The following ADAMTS3 variants were observed in gnomAD, a reference collection of about 807,000 sequenced individuals.
ADAMTS3 encodes the protein ADAM metallopeptidase with thrombospondin type 1 motif 3.
A neutral mutation model predicts 129.0 loss-of-function variants in ADAMTS3; 73 were observed. That is an observed-to-expected ratio of 0.57 (90% CI 0.47 to 0.69). The LOEUF is 0.69. Among genes scored for constraint, ADAMTS3 ranks in the 30% least tolerant of loss-of-function variants. The pLI is 0.00. For synonymous variants in ADAMTS3, 477 were observed against 510.8 expected, an observed-to-expected ratio of 0.93 and a Z score of 0.89; for missense variants, 1,457 against 1,514.5, an observed-to-expected ratio of 0.96 and a Z score of 0.63.
At chr4:72,298,464 T>A in intron 17 of ADAMTS3, 22 bp from the exon 18 acceptor site, 1 of 1,544,300 alleles carries the variant, frequency 6.5e-7, no homozygotes, top group Non-Finnish European at 8.8e-7. Flanking sequence ...ATGAAATCAA[T>A]ATGTAAATCA....
intron 4 of ADAMTS3, among the ~76,000 whole-genome samples, chr4:72,355,399 T>C (rs1720558174): frequency 6.6e-6 from 1 of 151,992 alleles, no homozygotes; most frequent in African/African-American, 2.4e-5. Flanking sequence ...ATTACATTTT[T>C]CCTCTTGTTC....
At chr4:72,331,644 A>T (rs921921820) in intron 5 of ADAMTS3, among the ~76,000 whole-genome samples, 1 of 152,080 alleles carries the variant, frequency 6.6e-6, no homozygotes, top group African/African-American at 2.4e-5. Flanking sequence ...TTTCAATTTT[A>T]CCATGCAGAC....
At chr4:72,417,301 A>G (rs1420179319) in intron 3 of ADAMTS3, among the ~76,000 whole-genome samples, 4 of 152,174 alleles carry the variant, frequency 2.6e-5, no homozygotes, top group Non-Finnish European at 5.9e-5. Context: ...AGCGACTCTG[A>G]GCAATGCGCA....
intron 10 of ADAMTS3, among the ~76,000 whole-genome samples, chr4:72,317,419 C>T (rs961919866): frequency 7.3e-5 from 11 of 150,780 alleles, no homozygotes; most frequent in Admixed American, 2.7e-4. Context: ...GAAACACTTA[C>T]GTTCCTTGCT....
chr4:72,367,417 GATTT>G (rs1720895349), intron 4 of ADAMTS3, among the ~76,000 whole-genome samples: 3 of 152,098 alleles, frequency 2.0e-5, no homozygotes, highest in Admixed American at 1.3e-4. Context: ...AACAAGTGCA[GATTT>G]ATTTATTGTG....
chr4:72,318,769 A>G, intron 9 of ADAMTS3, 65 bp from the exon 10 acceptor site: 2 of 1,504,916 alleles, frequency 1.3e-6, no homozygotes, highest in Non-Finnish European at 1.8e-6. Flanking sequence ...CCTGATTTAA[A>G]AAAAAGTAGT....
intron 7 of ADAMTS3, 87 bp from the exon 8 acceptor site, chr4:72,320,050 A>T (rs929354800): frequency 1.9e-6 from 2 of 1,053,984 alleles, no homozygotes; most frequent in Non-Finnish European, 2.9e-6. Flanking sequence ...GGGGGAAAAA[A>T]GTAAAAGCCT....
intron 3 of ADAMTS3, among the ~76,000 whole-genome samples, chr4:72,469,063 CATCA>C (rs1203064659): frequency 6.6e-6 from 1 of 152,000 alleles, no homozygotes; most frequent in African/African-American, 2.4e-5. Context: ...AAACTCTACT[CATCA>C]ATCATTATCA....
intron 3 of ADAMTS3, among the ~76,000 whole-genome samples, chr4:72,434,871 T>C (rs1267124762): frequency 6.6e-6 from 1 of 151,832 alleles, no homozygotes; most frequent in African/African-American, 2.4e-5. Context: ...TCTATGCAGA[T>C]GATTACATGT....
intron 3 of ADAMTS3, among the ~76,000 whole-genome samples, chr4:72,541,254 A>G (rs1182264556): frequency 1.3e-5 from 2 of 152,116 alleles, no homozygotes; most frequent in Non-Finnish European, 2.9e-5. Flanking sequence ...CTGGATTTCG[A>G]ACTTGCATGG....
At chr4:72,336,683 G>T (rs1719998342) in intron 5 of ADAMTS3, among the ~76,000 whole-genome samples, 1 of 152,136 alleles carries the variant, frequency 6.6e-6, no homozygotes, top group South Asian at 2.1e-4. Flanking sequence ...AGTGATGAGG[G>T]TTGGGAATAA....
chr4:72,414,942 C>A lies in ADAMTS3; in HGVS notation c.534G>T (p.Glu178Asp). The A allele has an allele frequency of 6.4e-7, 1 of 1,554,726 alleles. No homozygotes were observed. Among genetic ancestry groups the A allele is most frequent in the South Asian group, 1.2e-5 (1 of 81,118 alleles). The change falls in exon 4 of 22, where the codon GAG becomes GAT. Residue 178 changes from glutamate to aspartate, a missense_variant. Transcript: ENST00000286657. Reference protein sequence around the residue: ...LAGMIKSDNEEYFIEPLERGK... With the variant: ...LAGMIKSDNEDYFIEPLERGK... The stretch of plus-strand genomic sequence containing the variant: ...CTCTTTCCAAGGGTTCAATGAAATA[C>A]TCTTCATTATCACTTTTTATCATTC...
intron 4 of ADAMTS3, among the ~76,000 whole-genome samples, chr4:72,388,079 C>T (rs150655166): frequency 8.9e-4 from 136 of 152,304 alleles, no homozygotes; most frequent in African/African-American, 3.2e-3. Context: ...ATTAAAAACT[C>T]TTCCATTAGC....
In ADAMTS3 at chr4:72,458,647, CA is replaced by C. The variant is rs146700582; in HGVS notation, c.505-43677del. The stretch of plus-strand genomic sequence containing the variant: ...GAATGAATGATGAAAATGATGAATT[CA>C]AAAAAAAACACAGTGACATAATTTT... On this transcript the variant is annotated intron_variant, in intron 3 of 21. Transcript: ENST00000286657. Among the ~76,000 whole-genome samples the C allele has an allele frequency of 1.1e-4, 17 of 148,888 alleles. No individual in the cohort carries two copies. In the East Asian group the frequency reaches 1.8e-3, roughly 16 times the overall value.
At chr4:72,359,821 C>A (rs1720674234) in intron 4 of ADAMTS3, among the ~76,000 whole-genome samples, 1 of 152,028 alleles carries the variant, frequency 6.6e-6, no homozygotes. Context: ...GAGTTAACAG[C>A]ATGGTTTTAA....
At chr4:72,357,704 G>C (rs1285672972) in intron 4 of ADAMTS3, among the ~76,000 whole-genome samples, 2 of 151,862 alleles carry the variant, frequency 1.3e-5, no homozygotes, top group African/African-American at 4.8e-5. Flanking sequence ...CTGCTTTGTG[G>C]ATGCTGGAAA....
chr4:72,348,399 T>A (rs1720340959), intron 4 of ADAMTS3, among the ~76,000 whole-genome samples: 1 of 152,072 alleles, frequency 6.6e-6, no homozygotes, highest in Admixed American at 6.6e-5. Flanking sequence ...ATATGTAAAC[T>A]TTTTATGAGC....
chr4:72,312,488 A>T (rs755107024), intron 12 of ADAMTS3, 22 bp from the exon 13 acceptor site: 1 of 1,611,222 alleles, frequency 6.2e-7, no homozygotes, highest in Admixed American at 1.7e-5. Flanking sequence ...ACAACATTTA[A>T]AAAGGCCTTT....
chr4:72,458,698 T>A (rs72852101), intron 3 of ADAMTS3, among the ~76,000 whole-genome samples: 6,991 of 151,614 alleles, frequency 0.046, 548 homozygotes, highest in African/African-American at 0.16. Flanking sequence ...CAACCTATGA[T>A]TCCCTGAAGC....
Sources: allele counts gnomAD v4.1 joint callset (sites outside exome capture counted in the v4.1 genomes callset), GRCh38; gene constraint gnomAD v4.1.1; transcripts MANE v1.5; gene names NCBI Gene and HGNC (gene_info 2026-07-23, HGNC 2026-07-21).